STARD9: variants seen among roughly 807,000 people sequenced by gnomAD.
The protein encoded by STARD9 is stAR-related lipid transfer protein 9.
A neutral mutation model predicts 399.8 loss-of-function variants in STARD9; 346 were observed. That is an observed-to-expected ratio of 0.87 (90% CI 0.79 to 0.95). The LOEUF is 0.95. Ranked by LOEUF, STARD9 falls within the 40% of genes least tolerant of loss-of-function variation. The pLI is 0.00. For missense variants in STARD9, 5,832 were observed against 5,667.5 expected (o/e 1.03, Z -0.93); for synonymous variants, 2,203 against 2,143.5 (o/e 1.03, Z -0.77).
At chr15:42,584,386 A>G (rs1223921772) in intron 2 of STARD9, among the ~76,000 whole-genome samples, 1 of 152,194 alleles carries the variant, frequency 6.6e-6, no homozygotes, top group Non-Finnish European at 1.5e-5. Flanking sequence ...CTGTCGCCTA[A>G]TCACTTCAGC....
intron 10 of STARD9, 46 bp from the exon 11 acceptor site, chr15:42,662,748 G>T: frequency 8.1e-7 from 1 of 1,233,086 alleles, no homozygotes; most frequent in Non-Finnish European, 1.1e-6. Context: ...TGTAAAGATA[G>T]TGTCTTATTT....
intron 3 of STARD9, among the ~76,000 whole-genome samples, chr15:42,628,069 C>T (rs940575488): frequency 3.9e-5 from 6 of 152,074 alleles, no homozygotes; most frequent in Non-Finnish European, 8.8e-5. Flanking sequence ...TAAGGGTTCC[C>T]TTTTCTCCAC....
At chr15:42,647,131 G>A (rs749242955) in intron 7 of STARD9, among the ~76,000 whole-genome samples, 1 of 152,152 alleles carries the variant, frequency 6.6e-6, no homozygotes, top group Non-Finnish European at 1.5e-5. Flanking sequence ...CTTCAAATAT[G>A]TATAGCACAG....
intron 11 of STARD9, 101 bp downstream of exon 11, chr15:42,662,992 G>T: frequency 1.1e-6 from 1 of 934,396 alleles, no homozygotes; most frequent in East Asian, 2.6e-5. Flanking sequence ...CTTTTGATAA[G>T]GTTACCTTCT....
chr15:42,612,791 C>T (rs746754662), intron 3 of STARD9, among the ~76,000 whole-genome samples: 6 of 152,134 alleles, frequency 3.9e-5, no homozygotes, highest in Non-Finnish European at 8.8e-5. Context: ...TGAGACCAGC[C>T]TGGCCAACGT....
intron 9 of STARD9, among the ~76,000 whole-genome samples, chr15:42,653,116 T>C (rs2059797425): frequency 6.6e-6 from 1 of 152,226 alleles, no homozygotes; most frequent in South Asian, 2.1e-4. Flanking sequence ...CTAATCAAAA[T>C]ATCTTCTGCT....
At chr15:42,647,402 A>G (rs1343633879) in intron 7 of STARD9, among the ~76,000 whole-genome samples, 1 of 152,104 alleles carries the variant, frequency 6.6e-6, no homozygotes, top group Non-Finnish European at 1.5e-5. Flanking sequence ...TTTGTTTTAT[A>G]TATTTTGAGG....
chr15:42,605,221 G>A (rs1338829741), intron 3 of STARD9, among the ~76,000 whole-genome samples: 12 of 152,206 alleles, frequency 7.9e-5, no homozygotes, highest in Non-Finnish European at 2.9e-5. Context: ...TTAACTTGAT[G>A]TATGGTCATT....
chr15:42,616,181 A>G (rs941464652), intron 3 of STARD9, among the ~76,000 whole-genome samples: 2 of 152,266 alleles, frequency 1.3e-5, no homozygotes, highest in African/African-American at 4.8e-5. Context: ...AATATGTGCA[A>G]TGAAAAGGTT....
intron 9 of STARD9, among the ~76,000 whole-genome samples, chr15:42,659,236 C>G (rs184230336): frequency 1.3e-5 from 2 of 152,186 alleles, no homozygotes; most frequent in South Asian, 4.1e-4. Flanking sequence ...CTCTAAACAC[C>G]GTAAGAAAAC....
chr15:42,694,342 G>T lies in STARD9; in HGVS notation c.12764G>T (p.Arg4255Leu), dbSNP rs538354557. ...VTSTWKELYARQKKAIETLRR... is the reference protein window; with the variant it reads ...VTSTWKELYALQKKAIETLRR... ...TCCACCTGGAAGGAGCTCTATGCAC[G>T]GTAAGGACCCCCAGCCTGGAGTCGG... is the stretch of plus-strand genomic sequence containing the variant. The change falls in exon 23 of 33, where the codon CGG becomes CTG. Residue 4255 changes from arginine (R) to leucine (L), a missense_variant and splice_region_variant. This residue lies in a region of STARD9 where 5,828 missense variants were observed against 5,651.1 expected (regional missense o/e 1.03). Transcript: ENST00000290607. The T allele has an allele frequency of 9.1e-6, 14 of 1,530,656 alleles. No individual in the cohort carries two copies. The highest frequency in any genetic ancestry group is 2.7e-5 in the African/African-American group (2 of 72,974). 94.8% of individuals were successfully genotyped at this position (1,530,656 alleles called of 1,614,324 possible).
At position 42,615,540 on chromosome 15, in the gene STARD9, AC is replaced by A. The variant is rs1018480360; in HGVS notation, c.235-19315del. Among the ~76,000 whole-genome samples the A allele has an allele frequency of 4.0e-5, 6 of 151,664 alleles. No homozygotes were observed. The South Asian group carries it at 8.3e-4, about 21-fold the overall frequency. On this transcript the variant is annotated intron_variant, in intron 3 of 32. Transcript: ENST00000290607. The stretch of plus-strand genomic sequence containing the variant: ...TCCCATTTTTAAAAAATATTAAAAA[AC>A]ATCCCATATATATATATGGGTTATA...
intron 3 of STARD9, among the ~76,000 whole-genome samples, chr15:42,592,167 T>G (rs1380852784): frequency 2.0e-5 from 3 of 152,332 alleles, no homozygotes; most frequent in Non-Finnish European, 4.4e-5. Flanking sequence ...GGAGGAAATT[T>G]AGGCTTAGAG....
At chr15:42,698,608 G>T (rs1041389528) in intron 26 of STARD9, among the ~76,000 whole-genome samples, 21 of 151,894 alleles carry the variant, frequency 1.4e-4, no homozygotes, top group African/African-American at 5.1e-4. Flanking sequence ...CTTCTCTTTT[G>T]ACTTTGCTTA....
intron 3 of STARD9, among the ~76,000 whole-genome samples, chr15:42,610,105 TA>T (rs2058818358): frequency 6.6e-6 from 1 of 151,908 alleles, no homozygotes; most frequent in Non-Finnish European, 1.5e-5. Context: ...AGAAATAAAA[TA>T]AAAAATAAAG....
intron 3 of STARD9, among the ~76,000 whole-genome samples, chr15:42,619,688 G>T (rs2059047005): frequency 6.6e-6 from 1 of 152,222 alleles, no homozygotes; most frequent in African/African-American, 2.4e-5. Flanking sequence ...CTCAGGCAAT[G>T]AAGTGAGCAA....
chr15:42,678,428 T>C (rs2060356780), intron 20 of STARD9, among the ~76,000 whole-genome samples: 1 of 152,160 alleles, frequency 6.6e-6, no homozygotes, highest in African/African-American at 2.4e-5. Flanking sequence ...GCCTTCCTTT[T>C]CTCCTTGCAG....
chr15:42,705,668 T>A (rs1473552231), intron 26 of STARD9, among the ~76,000 whole-genome samples: 1 of 152,116 alleles, frequency 6.6e-6, no homozygotes, highest in African/African-American at 2.4e-5. Flanking sequence ...CTCAAACTCT[T>A]GACCTCAGGT....
chr15:42,660,395 T>G (rs2059970514), intron 9 of STARD9, among the ~76,000 whole-genome samples: 2 of 151,728 alleles, frequency 1.3e-5, no homozygotes, highest in Admixed American at 1.3e-4. Flanking sequence ...TGAAACCCTG[T>G]CTCTGCTAAA....
Sources: gnomAD v4.1 joint callset for allele counts (sites outside exome capture counted in the v4.1 genomes callset) on GRCh38, gnomAD v4.1.1 for gene constraint, gnomAD v4.1.1 regional missense constraint, MANE v1.5 for transcripts, NCBI Gene and HGNC (gene_info 2026-07-23, HGNC 2026-07-21) for gene names.